Variants in SPTLC2 observed in about 807,000 individuals in gnomAD.
SPTLC2 encodes the protein serine palmitoyltransferase long chain base subunit 2, also known as serine palmitoyltransferase 2.
Under a neutral mutation model 62.0 loss-of-function variants are expected in SPTLC2, and 21 were observed. The observed-to-expected ratio is 0.34, with a 90% CI of 0.24 to 0.49. The LOEUF is 0.49. SPTLC2 is among the 20% of genes least tolerant of loss of function. The pLI is 0.99. For synonymous variants in SPTLC2, 261 were observed against 261.8 expected (o/e 1.00, Z 0.03); for missense variants, 511 against 713.0 (o/e 0.72, Z 3.23).
intron 5 of SPTLC2, among the ~76,000 whole-genome samples, chr14:77,564,396 T>TAC (rs1342293459): frequency 5.9e-5 from 7 of 118,800 alleles, no homozygotes; most frequent in African/African-American, 2.3e-4. Context: ...TCTTTATGCA[T>TAC]GCATACACAC....
intron 6 of SPTLC2, among the ~76,000 whole-genome samples, chr14:77,559,306 G>A (rs1006003843): frequency 6.6e-6 from 1 of 151,914 alleles, no homozygotes; most frequent in African/African-American, 2.4e-5. Context: ...CTGGGTGACA[G>A]AGCAAGACTG....
At chr14:77,525,107 T>A (rs949184358) in intron 9 of SPTLC2, among the ~76,000 whole-genome samples, 3 of 151,858 alleles carry the variant, frequency 2.0e-5, no homozygotes, top group African/African-American at 4.9e-5. Flanking sequence ...ATATCATATG[T>A]ACCCCATAAA....
At chr14:77,616,063 G>C (rs1480188468) in intron 1 of SPTLC2, among the ~76,000 whole-genome samples, 2 of 152,238 alleles carry the variant, frequency 1.3e-5, no homozygotes, top group Non-Finnish European at 2.9e-5. Context: ...TTAAAAGGAA[G>C]CAATAACCTC....
At chr14:77,608,913 A>G (rs1046983191) in intron 1 of SPTLC2, among the ~76,000 whole-genome samples, 4 of 123,722 alleles carry the variant, frequency 3.2e-5, no homozygotes, top group African/African-American at 1.2e-4. Flanking sequence ...TTGAGGCTCC[A>G]TCTCAAAATA....
intron 10 of SPTLC2, among the ~76,000 whole-genome samples, chr14:77,519,260 G>A (rs1468357952): frequency 1.3e-5 from 2 of 151,848 alleles, no homozygotes; most frequent in South Asian, 2.1e-4. Flanking sequence ...GGATGGTCTC[G>A]ATCTCCTGAC....
At chr14:77,529,416 T>C (rs1195711994) in intron 9 of SPTLC2, among the ~76,000 whole-genome samples, 1 of 151,280 alleles carries the variant, frequency 6.6e-6, no homozygotes, top group Admixed American at 6.6e-5. Flanking sequence ...CTGGAACTTA[T>C]ATCTTAAAGA....
At chr14:77,517,644 G>A (rs1457359668) in intron 11 of SPTLC2, among the ~76,000 whole-genome samples, 2 of 152,160 alleles carry the variant, frequency 1.3e-5, no homozygotes, top group South Asian at 2.1e-4. Flanking sequence ...GGTGTGGGGC[G>A]CCCCTGAGCA....
chr14:77,528,265 CTT>C (rs538278549), intron 9 of SPTLC2, among the ~76,000 whole-genome samples: 106 of 151,910 alleles, frequency 7.0e-4, no homozygotes, highest in Non-Finnish European at 7.5e-4. Context: ...GAGTTTCACT[CTT>C]GTTGCCCAGG....
At chr14:77,575,198 C>T (rs2079707931) in intron 4 of SPTLC2, among the ~76,000 whole-genome samples, 1 of 152,144 alleles carries the variant, frequency 6.6e-6, no homozygotes, top group African/African-American at 2.4e-5. Context: ...CCAGCCTGGG[C>T]AACAGAGACC....
chr14:77,564,477 A>G (rs1357380748), intron 5 of SPTLC2, among the ~76,000 whole-genome samples: 2 of 151,512 alleles, frequency 1.3e-5, no homozygotes, highest in Non-Finnish European at 2.9e-5. Flanking sequence ...ATGAGTTCGC[A>G]TATATACATA....
chr14:77,599,869 T>C (rs539536723), intron 1 of SPTLC2, among the ~76,000 whole-genome samples: 5 of 152,238 alleles, frequency 3.3e-5, no homozygotes, highest in African/African-American at 4.8e-5. Context: ...ACAAGAAAAA[T>C]TAACATTCTG....
intron 9 of SPTLC2, among the ~76,000 whole-genome samples, chr14:77,534,382 A>C (rs1451132225): frequency 6.6e-6 from 1 of 152,152 alleles, no homozygotes; most frequent in East Asian, 1.9e-4. Flanking sequence ...AAATTCACCA[A>C]ATAAGTGTTA....
chr14:77,592,079 A>C (rs1475950096), intron 2 of SPTLC2, among the ~76,000 whole-genome samples: 1 of 147,876 alleles, frequency 6.8e-6, no homozygotes, highest in Non-Finnish European at 1.5e-5. Flanking sequence ...GACAAACCAA[A>C]CAATCAATCC....
chr14:77,534,506 A>G (rs1251362239), intron 9 of SPTLC2, among the ~76,000 whole-genome samples: 1 of 151,604 alleles, frequency 6.6e-6, no homozygotes, highest in Non-Finnish European at 1.5e-5. Context: ...GCCTCAGGGC[A>G]GTCTAACTTT....
intron 1 of SPTLC2, among the ~76,000 whole-genome samples, chr14:77,601,654 T>A (rs2140059719): frequency 6.6e-6 from 1 of 152,272 alleles, no homozygotes; most frequent in East Asian, 1.9e-4. Flanking sequence ...CGTGAAGAGA[T>A]CTACCTACAA....
chr14:77,547,714 A>G (rs1413947407), intron 9 of SPTLC2: 2 of 151,964 alleles, frequency 1.3e-5, no homozygotes, highest in Admixed American at 6.6e-5. Flanking sequence ...GTGGTCCCCT[A>G]CTTCTGGGAG....
At chr14:77,598,587 G>A (rs2079860818) in intron 1 of SPTLC2, among the ~76,000 whole-genome samples, 1 of 152,190 alleles carries the variant, frequency 6.6e-6, no homozygotes, top group Middle Eastern at 3.2e-3. Context: ...ATTAACCTTT[G>A]TTGGTAGTGA....
intron 9 of SPTLC2, among the ~76,000 whole-genome samples, chr14:77,550,028 A>G (rs575873168): frequency 2.6e-5 from 4 of 152,350 alleles, no homozygotes; most frequent in Admixed American, 1.3e-4. Context: ...ATGTGTGTAT[A>G]TATGTCTGTC....
intron 8 of SPTLC2, chr14:77,554,670 T>C (rs114892303): frequency 0.024 from 3,710 of 154,758 alleles, 145 homozygotes; most frequent in African/African-American, 0.085. Flanking sequence ...ATGTTTTCCC[T>C]GAGGTCTAAC....
Sources: allele counts gnomAD v4.1 joint callset (sites outside exome capture counted in the v4.1 genomes callset), GRCh38; gene constraint gnomAD v4.1.1; transcripts MANE v1.5; gene names NCBI Gene and HGNC (gene_info 2026-07-23, HGNC 2026-07-21).